Variants in INSC observed in about 807,000 individuals in gnomAD.
INSC encodes the protein protein inscuteable homolog.
A neutral mutation model predicts 58.6 loss-of-function variants in INSC; 67 were observed. The ratio of observed to expected loss-of-function variants is 1.14; its 90% confidence interval spans 0.94 to 1.40. The LOEUF is 1.40. Among genes scored for constraint, INSC ranks in the 40% most tolerant of loss-of-function variants. The pLI is 0.00. For synonymous variants in INSC, 262 were observed against 276.1 expected, an observed-to-expected ratio of 0.95 and a Z score of 0.51; for missense variants, 714 against 692.0, an observed-to-expected ratio of 1.03 and a Z score of -0.36.
At chr11:15,159,675 C>A (rs1005521096) in intron 2 of INSC, among the ~76,000 whole-genome samples, 1 of 152,198 alleles carries the variant, frequency 6.6e-6, no homozygotes, top group Non-Finnish European at 1.5e-5. Flanking sequence ...GGGTTCAGAG[C>A]CAAACTTTGC....
chr11:15,190,880 A>G (rs955095088), intron 6 of INSC, 66 bp downstream of exon 6: 39 of 1,071,704 alleles, frequency 3.6e-5, no homozygotes, highest in African/African-American at 2.9e-4. Context: ...CACTTGTTCA[A>G]TGGGAATAGC....
At chr11:15,244,177 A>T (rs542375477) in intron 12 of INSC, among the ~76,000 whole-genome samples, 1 of 152,222 alleles carries the variant, frequency 6.6e-6, no homozygotes, top group African/African-American at 2.4e-5. Context: ...TTCTGTTTTC[A>T]TGGTGACAAC....
intron 9 of INSC, among the ~76,000 whole-genome samples, chr11:15,231,390 A>T (rs1851919422): frequency 6.6e-6 from 1 of 152,186 alleles, no homozygotes; most frequent in Non-Finnish European, 1.5e-5. Context: ...ACAACAGCTG[A>T]TGAGCTAAAA....
chr11:15,157,741 T>G (rs1455033118), intron 2 of INSC, among the ~76,000 whole-genome samples: 9 of 152,160 alleles, frequency 5.9e-5, no homozygotes, highest in Non-Finnish European at 8.8e-5. Context: ...GGGCACTTAT[T>G]ATGTGGCGGC....
Position 15,156,876 on chromosome 11 carries a change from T to C in INSC, c.56+7646T>C, listed in dbSNP as rs528555231. On this transcript the variant is annotated intron_variant, in intron 2 of 12. Coordinates refer to ENST00000379556, the MANE Select transcript of INSC (RefSeq NM_001042536.3). ...GAACACTGTTTCATACTGCAATTTC[T>C]TGGTATGAGACTTTGCTACTCCCTT... Among the ~76,000 whole-genome samples, 6 of 152,372 alleles carry C rather than the reference T, an allele frequency of 3.9e-5. No homozygotes were observed. The South Asian group carries it at 1.2e-3, about 32-fold the overall frequency.
chr11:15,235,655 C>A lies in INSC; in HGVS notation c.1224C>A (p.Ile408=). The A allele has an allele frequency of 6.2e-7, 1 of 1,613,164 alleles. No homozygotes were observed. The highest frequency in any genetic ancestry group is 8.5e-7 in the Non-Finnish European group (1 of 1,179,228). The change falls in exon 10 of 13, where the codon ATC becomes ATA. Residue 408 remains isoleucine, a synonymous_variant. Coordinates refer to ENST00000379556, the MANE Select transcript of INSC (RefSeq NM_001042536.3). ...MSVLEQCASD[I]IQENGVQLIM... The stretch of plus-strand genomic sequence containing the variant: ...TCCTAGAACAGTGTGCCTCTGACAT[C>A]ATTCAGGAAAATGGTATGTCTTTGC...
chr11:15,124,557 G>A (rs529060321), intron 1 of INSC, among the ~76,000 whole-genome samples: 101 of 152,270 alleles, frequency 6.6e-4, no homozygotes, highest in African/African-American at 2.3e-3. Context: ...CTTCATTTTA[G>A]ACTATGATTG....
intron 7 of INSC, among the ~76,000 whole-genome samples, chr11:15,208,573 C>T (rs1044566239): frequency 6.6e-6 from 1 of 152,230 alleles, no homozygotes; most frequent in African/African-American, 2.4e-5. Flanking sequence ...AAATTAGCCA[C>T]ACTGCCCCAC....
chr11:15,239,127 G>A, intron 11 of INSC, 53 bp downstream of exon 11: 1 of 1,563,444 alleles, frequency 6.4e-7, no homozygotes, highest in Non-Finnish European at 8.7e-7. Flanking sequence ...ATTGGGGGTG[G>A]GAGCAGCTCT....
At chr11:15,136,781 C>T (rs972513777) in intron 1 of INSC, among the ~76,000 whole-genome samples, 2 of 152,254 alleles carry the variant, frequency 1.3e-5, no homozygotes, top group Non-Finnish European at 2.9e-5. Flanking sequence ...TTGAAACTCT[C>T]AAAGTCATCC....
At chr11:15,161,116 C>G (rs1109327) in intron 2 of INSC, among the ~76,000 whole-genome samples, 6,022 of 152,220 alleles carry the variant, frequency 0.04, 395 homozygotes, top group African/African-American at 0.14. Flanking sequence ...TGCCCTCAAA[C>G]CCTTCTACCA....
At chr11:15,177,607 A>C (rs1849617517) in intron 4 of INSC, among the ~76,000 whole-genome samples, 1 of 152,176 alleles carries the variant, frequency 6.6e-6, no homozygotes, top group Non-Finnish European at 1.5e-5. Context: ...ACAGAAATAC[A>C]TTCACACCCT....
At chr11:15,269,207 A>G in the INSC span, among the ~76,000 whole-genome samples, 4 of 152,120 alleles carry the variant, frequency 2.6e-5, no homozygotes, top group East Asian at 7.7e-4. Context: ...GTGCTCAAAC[A>G]TTTAGATACT....
At chr11:15,191,105 C>A (rs551808686) in intron 6 of INSC, among the ~76,000 whole-genome samples, 1 of 151,912 alleles carries the variant, frequency 6.6e-6, no homozygotes, top group African/African-American at 2.4e-5. Flanking sequence ...CTCAGCCTCC[C>A]GAGTAGCTGG....
intron 12 of INSC, chr11:15,241,589 T>TA: frequency 1.4e-6 from 1 of 702,982 alleles, no homozygotes; most frequent in Non-Finnish European, 2.6e-6. Flanking sequence ...CAGCTGCAGG[T>TA]AAAAAAGACA....
downstream of INSC, among the ~76,000 whole-genome samples, chr11:15,247,979 A>G (rs550036857): frequency 3.2e-4 from 49 of 152,250 alleles, no homozygotes; most frequent in African/African-American, 1.1e-3. Context: ...ATATCTGCCA[A>G]ACTCCTCAGT....
At chr11:15,135,215 G>C (rs1848216146) in intron 1 of INSC, among the ~76,000 whole-genome samples, 1 of 152,180 alleles carries the variant, frequency 6.6e-6, no homozygotes, top group African/African-American at 2.4e-5. Flanking sequence ...ACACTCTGTT[G>C]GTGGAAAGAT....
chr11:15,163,873 C>T (rs886653092), intron 2 of INSC, among the ~76,000 whole-genome samples: 1 of 152,338 alleles, frequency 6.6e-6, no homozygotes, highest in South Asian at 2.1e-4. Context: ...TAGGCGTGAG[C>T]CACCATATCT....
At chr11:15,129,985 G>A (rs1848088260) in intron 1 of INSC, among the ~76,000 whole-genome samples, 1 of 152,188 alleles carries the variant, frequency 6.6e-6, no homozygotes, top group Non-Finnish European at 1.5e-5. Flanking sequence ...TTGCTCTTCT[G>A]GCTGTGTGCT....
Sources: allele counts gnomAD v4.1 joint callset (sites outside exome capture counted in the v4.1 genomes callset), GRCh38; gene constraint gnomAD v4.1.1; transcripts MANE v1.5; gene names NCBI Gene and HGNC (gene_info 2026-07-23, HGNC 2026-07-21).